HS6ST3: variants seen among roughly 807,000 people sequenced by gnomAD.
The protein encoded by HS6ST3 is heparan sulfate 6-O-sulfotransferase 3.
HS6ST3 carries 12 observed loss-of-function variants against 36.7 expected under a neutral mutation model. The ratio of observed to expected loss-of-function variants is 0.33; its 90% confidence interval spans 0.21 to 0.53. HS6ST3 has a LOEUF of 0.53. Among genes scored for constraint, HS6ST3 ranks in the 20% least tolerant of loss-of-function variants. The probability of loss-of-function intolerance (pLI) is 0.95; values close to 1 mark genes in which losing one functional copy is unlikely to be tolerated. For synonymous variants in HS6ST3, 240 were observed against 257.5 expected (o/e 0.93, Z 0.65); for missense variants, 584 against 640.9 (o/e 0.91, Z 0.96).
chr13:96,595,007 C>G (rs187898066), intron 1 of HS6ST3, among the ~76,000 whole-genome samples: 1 of 152,128 alleles, frequency 6.6e-6, no homozygotes, highest in African/African-American at 2.4e-5. Context: ...TGGTTGGTAG[C>G]TTTTCTTTTT....
chr13:96,808,124 G>C (rs765849291), intron 1 of HS6ST3, among the ~76,000 whole-genome samples: 9 of 152,152 alleles, frequency 5.9e-5, no homozygotes, highest in Non-Finnish European at 7.3e-5. Flanking sequence ...AGAAAAAAGA[G>C]ACCACTGCCA....
chr13:96,346,259 G>T (rs906271173), intron 1 of HS6ST3, among the ~76,000 whole-genome samples: 2 of 152,126 alleles, frequency 1.3e-5, no homozygotes, highest in Non-Finnish European at 2.9e-5. Context: ...TTGTGTTTGT[G>T]ATTGTATTAA....
chr13:96,820,846 A>T (rs1594868195), intron 1 of HS6ST3, among the ~76,000 whole-genome samples: 2 of 152,340 alleles, frequency 1.3e-5, no homozygotes, highest in African/African-American at 4.8e-5. Flanking sequence ...CAACTTCAGG[A>T]TTCAGCAACC....
intron 1 of HS6ST3, among the ~76,000 whole-genome samples, chr13:96,342,853 T>G (rs924533110): frequency 1.3e-5 from 2 of 152,214 alleles, no homozygotes; most frequent in African/African-American, 4.8e-5. Context: ...AGAAGAAATG[T>G]TTCCATCTGT....
chr13:96,595,158 G>C (rs1341179968), intron 1 of HS6ST3, among the ~76,000 whole-genome samples: 2 of 152,106 alleles, frequency 1.3e-5, no homozygotes, highest in African/African-American at 4.8e-5. Flanking sequence ...TGATCCACCA[G>C]CCGCAGCCTC....
At chr13:96,357,923 A>G (rs887511302) in intron 1 of HS6ST3, among the ~76,000 whole-genome samples, 1 of 152,240 alleles carries the variant, frequency 6.6e-6, no homozygotes, top group Non-Finnish European at 1.5e-5. Flanking sequence ...TATAATAATG[A>G]TTAAAAAGTT....
chr13:96,472,861 C>T (rs2055846040), intron 1 of HS6ST3, among the ~76,000 whole-genome samples: 1 of 152,144 alleles, frequency 6.6e-6, no homozygotes, highest in Non-Finnish European at 1.5e-5. Flanking sequence ...TCACTGGAAA[C>T]TTATGAATTA....
intron 1 of HS6ST3, among the ~76,000 whole-genome samples, chr13:96,479,635 G>T (rs530313095): frequency 6.6e-6 from 1 of 152,238 alleles, no homozygotes; most frequent in Non-Finnish European, 1.5e-5. Context: ...ATATTGATGA[G>T]GTGGAATTAA....
chr13:96,262,220 A>T, intron 1 of HS6ST3, among the ~76,000 whole-genome samples: 1 of 152,294 alleles, frequency 6.6e-6, no homozygotes, highest in South Asian at 2.1e-4. Context: ...TGAGAGGAAA[A>T]AGTTATTAGC....
At chr13:96,272,795 C>T (rs981882555) in intron 1 of HS6ST3, among the ~76,000 whole-genome samples, 1 of 151,866 alleles carries the variant, frequency 6.6e-6, no homozygotes, top group Non-Finnish European at 1.5e-5. Flanking sequence ...GGTGAGTGAA[C>T]CATACCTTGG....
chr13:96,506,365 T>G (rs567190615), intron 1 of HS6ST3, among the ~76,000 whole-genome samples: 1 of 152,242 alleles, frequency 6.6e-6, no homozygotes, highest in South Asian at 2.1e-4. Flanking sequence ...GAGTACTGAT[T>G]TTCAAAAACA....
chr13:96,548,930 A>G (rs1002159573), intron 1 of HS6ST3, among the ~76,000 whole-genome samples: 8 of 152,182 alleles, frequency 5.3e-5, no homozygotes, highest in Admixed American at 1.3e-4. Context: ...ATGTTTGACT[A>G]AGTATCTGGA....
At chr13:96,300,791 A>C (rs1407233074) in intron 1 of HS6ST3, among the ~76,000 whole-genome samples, 1 of 152,178 alleles carries the variant, frequency 6.6e-6, no homozygotes, top group East Asian at 1.9e-4. Context: ...AAATTGATAA[A>C]AATGTATAGT....
intron 1 of HS6ST3, among the ~76,000 whole-genome samples, chr13:96,544,814 G>T (rs1451965402): frequency 6.6e-6 from 1 of 152,110 alleles, no homozygotes; most frequent in Non-Finnish European, 1.5e-5. Flanking sequence ...GGCCTGGAAG[G>T]CTCAGTAATT....
chr13:96,128,259 A>G (rs925539702), intron 1 of HS6ST3, among the ~76,000 whole-genome samples: 1 of 152,180 alleles, frequency 6.6e-6, no homozygotes, highest in African/African-American at 2.4e-5. Flanking sequence ...TATAACTAAT[A>G]GAGTTGACGT....
intron 1 of HS6ST3, among the ~76,000 whole-genome samples, chr13:96,183,373 T>A (rs1423808555): frequency 1.3e-5 from 2 of 152,186 alleles, no homozygotes; most frequent in Non-Finnish European, 2.9e-5. Flanking sequence ...TTTGGGATGA[T>A]CTTCATTTTG....
At chr13:96,758,115 A>G (rs1355767763) in intron 1 of HS6ST3, among the ~76,000 whole-genome samples, 1 of 151,950 alleles carries the variant, frequency 6.6e-6, no homozygotes, top group African/African-American at 2.4e-5. Context: ...TTCCTTTAAT[A>G]TATGTATATT....
chr13:96,589,162 G>A (rs1176247525), intron 1 of HS6ST3, among the ~76,000 whole-genome samples: 6 of 151,678 alleles, frequency 4.0e-5, no homozygotes, highest in African/African-American at 9.7e-5. Flanking sequence ...CAGCAGTAAA[G>A]CCACCAGGTC....
intron 1 of HS6ST3, among the ~76,000 whole-genome samples, chr13:96,484,021 G>A (rs1484557616): frequency 6.6e-6 from 1 of 152,044 alleles, no homozygotes; most frequent in Non-Finnish European, 1.5e-5. Flanking sequence ...TTCATGTATT[G>A]TCTTTGCTCC....
Sources: gnomAD v4.1 joint callset for allele counts (sites outside exome capture counted in the v4.1 genomes callset) on GRCh38, gnomAD v4.1.1 for gene constraint, MANE v1.5 for transcripts, NCBI Gene and HGNC (gene_info 2026-07-23, HGNC 2026-07-21) for gene names.